HK1: variants seen among roughly 807,000 people sequenced by gnomAD.
The protein encoded by HK1 is hexokinase-1.
Under a neutral mutation model 91.6 loss-of-function variants are expected in HK1, and 28 were observed. That is an observed-to-expected ratio of 0.31 (90% CI 0.23 to 0.42). The LOEUF is 0.42. Ranked by LOEUF, HK1 falls within the 10% of genes least tolerant of loss-of-function variation. The pLI, the probability that HK1 is intolerant of heterozygous loss-of-function variation, is 1.00. For missense variants in HK1, 770 were observed against 1,219.8 expected (o/e 0.63, Z 5.49); for synonymous variants, 430 against 468.1 (o/e 0.92, Z 1.05).
chr10:69,388,433 C>A (rs1298829474), intron 13 of HK1, among the ~76,000 whole-genome samples: 1 of 133,748 alleles, frequency 7.5e-6, no homozygotes, highest in Non-Finnish European at 1.7e-5. Context: ...GGTGACAGAG[C>A]AAGACTCTGT....
chr10:69,390,263 GGGTAT>G (rs1283274652), intron 14 of HK1, among the ~76,000 whole-genome samples: 1 of 152,260 alleles, frequency 6.6e-6, no homozygotes, highest in African/African-American at 2.4e-5. Flanking sequence ...GAATGGGCTT[GGGTAT>G]GAAATGCAAA....
intron 15 of HK1, 71 bp from the exon 16 acceptor site, chr10:69,394,879 C>G (rs780552243): frequency 2.7e-6 from 4 of 1,502,394 alleles, no homozygotes; most frequent in Admixed American, 3.3e-5. Context: ...GCGGAGTGAC[C>G]GTGAGACCGA....
rs1845982142 is a variant in HK1, at chr10:69,303,707, C to G, written c.27+2846C>G. Among the ~76,000 whole-genome samples, 2 of 151,992 alleles carry G rather than the reference C, an allele frequency of 1.3e-5. 1 individual carries two copies. Among genetic ancestry groups the G allele is most frequent in the South Asian group, 4.1e-4 (2 of 4,820 alleles). ...GACAAGCTCCCAAACTTGTAACCGC[C>G]CAACAGGTTCACCTTGCCCACTGCC... On this transcript the variant is annotated intron_variant, in intron 5 of 21. Transcript: ENST00000360289.
At chr10:69,344,168 C>T (rs1252073803) in intron 2 of HK1, among the ~76,000 whole-genome samples, 179 bp downstream of exon 2, 2 of 152,188 alleles carry the variant, frequency 1.3e-5, no homozygotes, top group Middle Eastern at 3.2e-3. Flanking sequence ...TCCATCCATC[C>T]ATCCGCTGAT....
intron 8 of HK1, 38 bp from the exon 9 acceptor site, chr10:69,379,823 TG>T: frequency 7.2e-7 from 1 of 1,386,120 alleles, no homozygotes; most frequent in Non-Finnish European, 1.0e-6. Context: ...CTGCCTCATG[TG>T]GTCCTCAGTG....
In HK1 at chr10:69,373,948, C is replaced by T. The variant is rs567063220; in HGVS notation, c.876-2986C>T. Reference sequence around the variant, plus strand: ...GTGTTCTGCCTGGAATCTCTGGGATCTTGAATCCTTTTTCCCTGTGATTCC... The same window carrying T: ...GTGTTCTGCCTGGAATCTCTGGGATTTTGAATCCTTTTTCCCTGTGATTCC... On this transcript the variant is annotated intron_variant, in intron 7 of 17. Coordinates refer to ENST00000359426, the MANE Select transcript of HK1 (RefSeq NM_000188.3). Among the ~76,000 whole-genome samples, 110 of 152,216 alleles carry T rather than the reference C, an allele frequency of 7.2e-4. 1 individual carries two copies. The highest frequency in any genetic ancestry group is 1.4e-3 in the Non-Finnish European group (94 of 68,006).
chr10:69,288,528 C>T, intron 2 of HK1: 1 of 619,530 alleles, frequency 1.6e-6, no homozygotes, highest in South Asian at 1.9e-5. Flanking sequence ...GACATTTTAC[C>T]TGGGTTTACG....
chr10:69,314,948 G>C (rs946903505), upstream of HK1, among the ~76,000 whole-genome samples: 1 of 152,306 alleles, frequency 6.6e-6, no homozygotes, highest in South Asian at 2.1e-4. Context: ...TTACAGGCGT[G>C]AGCCACTGCG....
intron 1 of HK1, among the ~76,000 whole-genome samples, chr10:69,334,546 G>A (rs1847883766): frequency 6.6e-6 from 1 of 152,128 alleles, no homozygotes; most frequent in South Asian, 2.1e-4. Flanking sequence ...AGAAGGGCTG[G>A]GCCATTCGGG....
chr10:69,312,357 C>A (rs142215005), upstream of HK1, among the ~76,000 whole-genome samples: 185 of 152,268 alleles, frequency 1.2e-3, 2 homozygotes, highest in African/African-American at 4.2e-3. Flanking sequence ...CTGTCTAAGC[C>A]TCCTGAGTAG....
At chr10:69,302,264 A>T (rs1479714845) in intron 5 of HK1, among the ~76,000 whole-genome samples, 1 of 151,762 alleles carries the variant, frequency 6.6e-6, no homozygotes, top group Non-Finnish European at 1.5e-5. Context: ...AGAAAAAAAA[A>T]ACTTATAAAG....
rs757563385 is a variant in HK1 at position 69,379,978 on chromosome 10, C to T, written c.1148C>T (p.Ala383Val). The T allele has an allele frequency of 1.4e-5, 23 of 1,614,068 alleles. No homozygotes were observed. The South Asian group carries it at 2.2e-4, about 15-fold the overall frequency. ...HVCTIVSFRS[A>V]NLVAATLGAI... ...TGCACCATTGTCTCATTTCGCTCAG[C>T]CAACTTGGTGGCTGCCACACTGGGC... The change falls in exon 9 of 18, where the codon GCC (alanine) becomes GTC (valine). Residue 383 changes from alanine (A) to valine (V), a missense_variant. Ala to Val is a moderately conservative substitution (Grantham distance 64, BLOSUM62 0). Around this residue, in one of 7 missense-constraint regions of HK1, gnomAD observed 449 missense variants for 665.1 expected, o/e 0.68. Coordinates refer to ENST00000359426, the MANE Select transcript of HK1 (RefSeq NM_000188.3).
chr10:69,274,954 A>G (rs2132406705), intron 1 of HK1, among the ~76,000 whole-genome samples: 1 of 152,258 alleles, frequency 6.6e-6, no homozygotes, highest in Admixed American at 6.5e-5. Flanking sequence ...CATAGAGGAA[A>G]GCAGTCATGA....
At chr10:69,398,212 G>A (rs922899399) in intron 16 of HK1, among the ~76,000 whole-genome samples, 1 of 152,336 alleles carries the variant, frequency 6.6e-6, no homozygotes, top group Non-Finnish European at 1.5e-5. Context: ...TGCAGCAGCT[G>A]TTTCCAATCC....
At chr10:69,377,802 C>A (rs1322315534) in intron 8 of HK1, among the ~76,000 whole-genome samples, 1 of 152,224 alleles carries the variant, frequency 6.6e-6, no homozygotes, top group Non-Finnish European at 1.5e-5. Flanking sequence ...GCCACACACA[C>A]ATTCTTTCAG....
chr10:69,305,590 C>G (rs1219076367), intron 5 of HK1, among the ~76,000 whole-genome samples: 1 of 152,052 alleles, frequency 6.6e-6, no homozygotes, highest in African/African-American at 2.4e-5. Flanking sequence ...TGTGGTAGTT[C>G]ACACCTGTAA....
intron 1 of HK1, among the ~76,000 whole-genome samples, chr10:69,331,873 T>C (rs1299786255): frequency 6.6e-6 from 1 of 150,682 alleles, no homozygotes; most frequent in Non-Finnish European, 1.5e-5. Flanking sequence ...GCCAAGACCT[T>C]GTCTCAAAAA....
chr10:69,396,895 G>T (rs755461073), intron 16 of HK1, among the ~76,000 whole-genome samples: 4 of 152,058 alleles, frequency 2.6e-5, no homozygotes, highest in Non-Finnish European at 4.4e-5. Flanking sequence ...ATGTTGATCA[G>T]GGTGGTCTCA....
intron 7 of HK1, among the ~76,000 whole-genome samples, chr10:69,375,827 C>T (rs1011802683): frequency 9.2e-5 from 14 of 152,186 alleles, no homozygotes; most frequent in African/African-American, 3.1e-4. Context: ...CTGGTTCTTG[C>T]CAGCTCCCGG....
Sources: allele counts gnomAD v4.1 joint callset (sites outside exome capture counted in the v4.1 genomes callset), GRCh38; gene constraint gnomAD v4.1.1; regional missense constraint gnomAD v4.1.1; transcripts MANE v1.5; gene names NCBI Gene and HGNC (gene_info 2026-07-23, HGNC 2026-07-21).